The following TENM4 variants were observed in gnomAD, a reference collection of about 807,000 sequenced individuals.
TENM4 encodes the protein teneurin transmembrane protein 4.
A neutral mutation model predicts 243.3 loss-of-function variants in TENM4; 82 were observed. The ratio of observed to expected loss-of-function variants is 0.34; its 90% CI spans 0.28 to 0.40. TENM4 has a LOEUF of 0.40. Ranked by LOEUF, TENM4 falls within the 10% of genes least tolerant of loss-of-function variation. The probability of loss-of-function intolerance (pLI) is 1.00; values close to 1 mark genes in which losing one functional copy is unlikely to be tolerated. For synonymous variants in TENM4, 1,412 were observed against 1,456.3 expected (o/e 0.97, Z 0.69); for missense variants, 3,138 against 3,673.3 (o/e 0.85, Z 3.77).
At chr11:79,017,597 T>C (rs974509668) in intron 6 of TENM4, among the ~76,000 whole-genome samples, 1 of 152,084 alleles carries the variant, frequency 6.6e-6, no homozygotes, top group African/African-American at 2.4e-5. Context: ...GGGGGAGAAG[T>C]GGAACTAATA....
intron 1 of TENM4, among the ~76,000 whole-genome samples, chr11:79,414,116 A>G (rs1858761583): frequency 6.6e-6 from 1 of 151,672 alleles, no homozygotes; most frequent in African/African-American, 2.4e-5. Flanking sequence ...CCTGCCCTGC[A>G]ACTCCACTCA....
At chr11:79,081,447 G>T (rs1435378673) in intron 4 of TENM4, among the ~76,000 whole-genome samples, 1 of 152,030 alleles carries the variant, frequency 6.6e-6, no homozygotes, top group East Asian at 1.9e-4. Context: ...TAAGCTGAAA[G>T]GATAGAAATC....
chr11:79,354,386 A>G (rs1857463993), intron 1 of TENM4, among the ~76,000 whole-genome samples: 1 of 152,190 alleles, frequency 6.6e-6, no homozygotes, highest in South Asian at 2.1e-4. Flanking sequence ...TTGCAAGTGC[A>G]TTTTATTTCA....
intron 13 of TENM4, among the ~76,000 whole-genome samples, chr11:78,812,561 C>G (rs552325355): frequency 2.0e-5 from 3 of 152,184 alleles, no homozygotes; most frequent in Non-Finnish European, 4.4e-5. Context: ...TTAACCCCAT[C>G]CCCTTCATGT....
intron 6 of TENM4, among the ~76,000 whole-genome samples, chr11:79,015,019 C>T (rs1330640002): frequency 6.6e-6 from 1 of 152,190 alleles, no homozygotes; most frequent in Non-Finnish European, 1.5e-5. Flanking sequence ...CAGGCCCTGG[C>T]AGAGGGGCAC....
chr11:79,143,067 CG>C (rs983353276), intron 4 of TENM4, among the ~76,000 whole-genome samples: 49 of 152,182 alleles, frequency 3.2e-4, no homozygotes, highest in African/African-American at 1.2e-3. Flanking sequence ...AACACTTTTA[CG>C]CTGTTGGTGG....
intron 6 of TENM4, among the ~76,000 whole-genome samples, chr11:78,998,815 G>T (rs1858241784): frequency 6.6e-6 from 1 of 152,200 alleles, no homozygotes; most frequent in South Asian, 2.1e-4. Context: ...TCATAGTGGG[G>T]CAAGCATATT....
chr11:78,953,423 C>A (rs1312447329), intron 6 of TENM4, among the ~76,000 whole-genome samples: 1 of 152,088 alleles, frequency 6.6e-6, no homozygotes, highest in Non-Finnish European at 1.5e-5. Flanking sequence ...TGGCCAAAAA[C>A]TTTTGGGGTC....
intron 4 of TENM4, among the ~76,000 whole-genome samples, chr11:79,137,148 A>C (rs1862125529): frequency 1.3e-5 from 2 of 152,154 alleles, no homozygotes; most frequent in South Asian, 4.1e-4. Flanking sequence ...TTAGTTCCAG[A>C]GGGAGGAGCA....
intron 9 of TENM4, among the ~76,000 whole-genome samples, chr11:78,880,215 C>T (rs1343296581): frequency 3.3e-5 from 5 of 152,058 alleles, no homozygotes; most frequent in Admixed American, 6.5e-5. Flanking sequence ...GGATTAAGGG[C>T]GGTGCAAGAT....
In TENM4 at chr11:78,805,838, T is replaced by C. The variant is rs1221251404; in HGVS notation, c.1979-346A>G. Among the ~76,000 whole-genome samples, 4 of 152,250 alleles carry C rather than the reference T, an allele frequency of 2.6e-5. No homozygotes were observed. The East Asian group carries it at 7.7e-4, about 29-fold the overall frequency. ...ACAGGAGGTGTTTAATAAGTCTTCA[T>C]AGAATGAACTTTTATTATCACTTCA... is the stretch of plus-strand genomic sequence containing the variant. On this transcript the variant is annotated intron_variant, in intron 14 of 33. Transcript: ENST00000278550.
chr11:79,126,109 T>C (rs1861871442), intron 4 of TENM4, among the ~76,000 whole-genome samples: 1 of 152,200 alleles, frequency 6.6e-6, no homozygotes, highest in Non-Finnish European at 1.5e-5. Context: ...AATAGTTTAT[T>C]TGCTTGGTTA....
chr11:79,038,058 T>C (rs995873572), intron 6 of TENM4, among the ~76,000 whole-genome samples: 2 of 152,204 alleles, frequency 1.3e-5, no homozygotes, highest in African/African-American at 4.8e-5. Context: ...CCAGAGGTCC[T>C]GCAAAGTCAA....
chr11:79,304,030 G>A (rs1221864704), intron 1 of TENM4, among the ~76,000 whole-genome samples: 1 of 152,150 alleles, frequency 6.6e-6, no homozygotes, highest in Non-Finnish European at 1.5e-5. Flanking sequence ...AGCCTGGTAA[G>A]CCCTGGGTAC....
At chr11:78,999,330 G>A (rs994064606) in intron 6 of TENM4, among the ~76,000 whole-genome samples, 1 of 152,098 alleles carries the variant, frequency 6.6e-6, no homozygotes, top group Non-Finnish European at 1.5e-5. Context: ...TGGCTAACAT[G>A]GTGAAACCCT....
Position 78,814,298 on chromosome 11 carries a change from G to A in TENM4, c.1779C>T (p.Gly593=), listed in dbSNP as rs1355154660. ...GCTCCAATGCAGAGTTCTCACCTCT[G>A]CCACAGTCGGGGCCCAGGAAACCCA... ...CFLGFLGPDC[G]RASCPVLCSG... The change falls in exon 13 of 34, where the codon GGC becomes GGT. Residue 593 remains glycine (G), a synonymous_variant. Coordinates refer to ENST00000278550, the MANE Select transcript of TENM4 (RefSeq NM_001098816.3). The A allele has an allele frequency of 3.2e-6, 5 of 1,550,166 alleles. No individual in the cohort carries two copies. The highest frequency in any genetic ancestry group is 4.4e-6 in the Non-Finnish European group (5 of 1,146,310).
chr11:78,731,106 C>A (rs140662622), intron 21 of TENM4, among the ~76,000 whole-genome samples: 163 of 152,308 alleles, frequency 1.1e-3, no homozygotes, highest in African/African-American at 3.7e-3. Flanking sequence ...CCTAACTGAA[C>A]GTGCAGGCAC....
chr11:79,197,161 A>T (rs1338446799), intron 3 of TENM4, among the ~76,000 whole-genome samples: 1 of 152,004 alleles, frequency 6.6e-6, no homozygotes, highest in African/African-American at 2.4e-5. Context: ...GTTCCCACTG[A>T]CTCACCACAG....
chr11:78,698,131 G>A (rs1449368060), intron 28 of TENM4, among the ~76,000 whole-genome samples: 3 of 152,200 alleles, frequency 2.0e-5, no homozygotes, highest in African/African-American at 7.2e-5. Context: ...GCCGGGTGCG[G>A]TGGCTCATGC....
Sources: allele counts gnomAD v4.1 joint callset (sites outside exome capture counted in the v4.1 genomes callset), GRCh38; gene constraint gnomAD v4.1.1; transcripts MANE v1.5; gene names NCBI Gene and HGNC (gene_info 2026-07-23, HGNC 2026-07-21).